The following CNTN4 variants were observed in gnomAD, a reference collection of about 807,000 sequenced individuals.
The protein encoded by CNTN4 is contactin 4.
A neutral mutation model predicts 122.5 loss-of-function variants in CNTN4; 77 were observed. That is an observed-to-expected ratio of 0.63 (90% CI 0.52 to 0.76). CNTN4 has a LOEUF of 0.76. CNTN4 is among the 30% of genes least tolerant of loss of function. The probability of loss-of-function intolerance (pLI) is 0.00; values close to 1 mark genes in which losing one functional copy is unlikely to be tolerated. For synonymous variants in CNTN4, 512 were observed against 447.0 expected, an observed-to-expected ratio of 1.15 and a Z score of -1.83; for missense variants, 1,256 against 1,259.1, an observed-to-expected ratio of 1.00 and a Z score of 0.04.
intron 2 of CNTN4, among the ~76,000 whole-genome samples, chr3:2,295,239 T>C (rs1035499911): frequency 2.8e-5 from 4 of 141,142 alleles, no homozygotes; most frequent in Non-Finnish European, 4.6e-5. Flanking sequence ...TCTAGATCCC[T>C]GAGGAATCGC....
chr3:2,628,428 C>T (rs924360752), intron 4 of CNTN4, among the ~76,000 whole-genome samples: 2 of 152,212 alleles, frequency 1.3e-5, no homozygotes, highest in South Asian at 2.1e-4. Flanking sequence ...GTGCTGTGAC[C>T]TTGGGCAAGA....
intron 2 of CNTN4, among the ~76,000 whole-genome samples, chr3:2,206,182 G>T (rs1385174040): frequency 6.6e-6 from 1 of 152,070 alleles, no homozygotes; most frequent in East Asian, 1.9e-4. Context: ...ACGAGGAAGA[G>T]AAGTAATACC....
intron 4 of CNTN4, among the ~76,000 whole-genome samples, chr3:2,627,864 TTAAC>T (rs1424152646): frequency 6.6e-6 from 1 of 152,220 alleles, no homozygotes. Context: ...TCAGGATTAA[TTAAC>T]AGATTAACAT....
intron 2 of CNTN4, among the ~76,000 whole-genome samples, chr3:2,335,575 A>G (rs1397618184): frequency 9.2e-6 from 1 of 108,308 alleles, no homozygotes; most frequent in Non-Finnish European, 1.9e-5. Context: ...CCAGAAAAAA[A>G]TTCTGTGGGT....
intron 3 of CNTN4, among the ~76,000 whole-genome samples, chr3:2,510,111 G>C (rs532611092): frequency 2.6e-3 from 390 of 152,216 alleles, no homozygotes; most frequent in African/African-American, 9.0e-3. Context: ...GTAGCCAGTT[G>C]ATCACTGGCC....
chr3:2,482,514 A>G (rs2151595457), intron 3 of CNTN4, among the ~76,000 whole-genome samples: 2 of 152,306 alleles, frequency 1.3e-5, no homozygotes, highest in African/African-American at 4.8e-5. Flanking sequence ...ATATATCACC[A>G]TGACAATGGG....
At chr3:2,145,384 T>C (rs1056584251) in intron 2 of CNTN4, among the ~76,000 whole-genome samples, 4 of 152,204 alleles carry the variant, frequency 2.6e-5, no homozygotes, top group African/African-American at 7.2e-5. Context: ...CCTTGTCACA[T>C]TGCATCTCTC....
chr3:3,043,895 C>T (rs1700383315), intron 23 of CNTN4, among the ~76,000 whole-genome samples, 191 bp downstream of exon 23: 1 of 152,144 alleles, frequency 6.6e-6, no homozygotes, highest in Admixed American at 6.5e-5. Flanking sequence ...AGGATTTAGA[C>T]AATCACCTTA....
intron 13 of CNTN4, among the ~76,000 whole-genome samples, chr3:2,958,217 T>C (rs2094819720): frequency 6.6e-6 from 1 of 152,146 alleles, no homozygotes; most frequent in Non-Finnish European, 1.5e-5. Context: ...GAAACACTGG[T>C]TTATGAGGAA....
intron 3 of CNTN4, among the ~76,000 whole-genome samples, chr3:2,483,995 G>C (rs1394010873): frequency 6.6e-6 from 1 of 152,082 alleles, no homozygotes; most frequent in Non-Finnish European, 1.5e-5. Flanking sequence ...TCTGCAAAAA[G>C]ATACTGTCAA....
intron 3 of CNTN4, among the ~76,000 whole-genome samples, chr3:2,360,722 A>T (rs934596337): frequency 6.6e-6 from 1 of 152,136 alleles, no homozygotes; most frequent in Non-Finnish European, 1.5e-5. Flanking sequence ...TTATAAAACC[A>T]TTAGATCTCG....
chr3:2,677,480 CTATATCTA>C (rs1437643756), intron 4 of CNTN4, among the ~76,000 whole-genome samples: 1 of 25,786 alleles, frequency 3.9e-5, no homozygotes, highest in Non-Finnish European at 7.5e-5. Context: ...ATCTATCCAT[CTATATCTA>C]TCTATCTATC....
intron 2 of CNTN4, among the ~76,000 whole-genome samples, chr3:2,151,047 A>G (rs2035472563): frequency 6.6e-6 from 1 of 152,134 alleles, no homozygotes; most frequent in Non-Finnish European, 1.5e-5. Flanking sequence ...AGGAGAAGAA[A>G]GACAATAGCT....
At chr3:2,572,881 A>G (rs747606079) in intron 4 of CNTN4, among the ~76,000 whole-genome samples, 19 of 152,202 alleles carry the variant, frequency 1.2e-4, no homozygotes, top group Non-Finnish European at 7.3e-5. Flanking sequence ...AAAAATAATA[A>G]TGGTAGTACT....
intron 4 of CNTN4, among the ~76,000 whole-genome samples, chr3:2,666,619 G>A (rs2084181627): frequency 6.6e-6 from 1 of 151,368 alleles, no homozygotes; most frequent in African/African-American, 2.4e-5. Context: ...TATACTTTAA[G>A]TTCTAGGGTA....
intron 7 of CNTN4, among the ~76,000 whole-genome samples, chr3:2,838,368 G>A (rs2093276965): frequency 6.6e-6 from 1 of 151,988 alleles, no homozygotes; most frequent in South Asian, 2.1e-4. Context: ...AAGTCCAAGG[G>A]CTCTTCTGGT....
intron 13 of CNTN4, among the ~76,000 whole-genome samples, chr3:2,983,667 G>C (rs1694272572): frequency 6.6e-6 from 1 of 152,198 alleles, no homozygotes; most frequent in Non-Finnish European, 1.5e-5. Context: ...CAAGGAAGCT[G>C]AGTTACAGAG....
intron 3 of CNTN4, among the ~76,000 whole-genome samples, chr3:2,414,529 A>G (rs1424467009): frequency 6.6e-6 from 1 of 152,188 alleles, no homozygotes; most frequent in African/African-American, 2.4e-5. Flanking sequence ...AGTGATTAAA[A>G]CTTCTCTTTT....
chr3:2,353,644 C>T (rs950059619), intron 3 of CNTN4, among the ~76,000 whole-genome samples: 3 of 152,116 alleles, frequency 2.0e-5, no homozygotes, highest in Admixed American at 1.3e-4. Flanking sequence ...CTTTTAAGAA[C>T]TGTAACACTC....
Sources: allele counts gnomAD v4.1 joint callset (sites outside exome capture counted in the v4.1 genomes callset), GRCh38; gene constraint gnomAD v4.1.1; transcripts MANE v1.5; gene names NCBI Gene and HGNC (gene_info 2026-07-23, HGNC 2026-07-21).